The following TBC1D32 variants were observed in gnomAD, a reference collection of about 807,000 sequenced individuals.
The protein encoded by TBC1D32 is protein broad-minded.
TBC1D32 carries 151 observed loss-of-function variants against 170.3 expected under a neutral mutation model. That is an observed-to-expected ratio of 0.89 (90% CI 0.78 to 1.01). The LOEUF (loss-of-function observed/expected upper bound fraction) is 1.01, where lower values mean the gene tolerates loss of function less well. TBC1D32 is among the 50% of genes least tolerant of loss of function. The probability of loss-of-function intolerance (pLI) is 0.00; values close to 1 mark genes in which losing one functional copy is unlikely to be tolerated. For synonymous variants in TBC1D32, 498 were observed against 488.0 expected (o/e 1.02, Z -0.27); for missense variants, 1,464 against 1,457.1 (o/e 1.00, Z -0.08).
chr6:121,285,558 C>G (rs991471067), intron 12 of TBC1D32, among the ~76,000 whole-genome samples: 1 of 152,112 alleles, frequency 6.6e-6, no homozygotes, highest in Admixed American at 6.6e-5. Context: ...CAAATAGGAA[C>G]AGCTCCAGTC....
At chr6:121,198,462 G>A (rs2128296204) in intron 22 of TBC1D32, among the ~76,000 whole-genome samples, 1 of 150,444 alleles carries the variant, frequency 6.6e-6, no homozygotes, top group South Asian at 2.1e-4. Context: ...AGTCAGTAAA[G>A]AGTGACCGGC....
At chr6:121,269,869 A>C (rs561339607) in intron 15 of TBC1D32, among the ~76,000 whole-genome samples, 8 of 152,176 alleles carry the variant, frequency 5.3e-5, no homozygotes, top group East Asian at 3.9e-4. Flanking sequence ...GAAGTAAAGC[A>C]CTCCTCAGGA....
rs1354958415 is a variant in TBC1D32, at chr6:121,264,579, T to A, written c.1734-8294A>T. ...AACTCATTTTATGAGGCCACCATCATCCTGATACCAAAGCCTGGCAGAGAC... is the reference window on the plus strand; with the variant it reads ...AACTCATTTTATGAGGCCACCATCAACCTGATACCAAAGCCTGGCAGAGAC... On this transcript the variant is annotated intron_variant, in intron 15 of 31. Coordinates refer to ENST00000398212, the MANE Select transcript of TBC1D32 (RefSeq NM_152730.6). 2.0e-5 allele frequency among the ~76,000 whole-genome samples: 3 copies of A among 152,104 alleles called. No homozygotes were observed. The East Asian group carries it at 5.8e-4, about 29-fold the overall frequency.
At chr6:121,138,239 A>G (rs1317103542) in intron 24 of TBC1D32, among the ~76,000 whole-genome samples, 1 of 152,148 alleles carries the variant, frequency 6.6e-6, no homozygotes, top group Non-Finnish European at 1.5e-5. Flanking sequence ...AAGGTATGTC[A>G]TCCATATCTT....
chr6:121,181,372 A>C (rs1049168908), intron 22 of TBC1D32, among the ~76,000 whole-genome samples: 2 of 151,928 alleles, frequency 1.3e-5, no homozygotes, highest in African/African-American at 2.4e-5. Flanking sequence ...CTAGTTGTTT[A>C]AAAGTGTGTG....
intron 29 of TBC1D32, among the ~76,000 whole-genome samples, chr6:121,111,243 T>C (rs1779173655): frequency 6.6e-6 from 1 of 152,182 alleles, no homozygotes; most frequent in Non-Finnish European, 1.5e-5. Context: ...AGGCTCAAAG[T>C]ATAAATGCAA....
intron 14 of TBC1D32, among the ~76,000 whole-genome samples, chr6:121,280,905 C>T (rs1802898042): frequency 6.6e-6 from 1 of 151,808 alleles, no homozygotes; most frequent in African/African-American, 2.4e-5. Context: ...TTAAAAATCA[C>T]TGCCCAGAAG....
chr6:121,095,078 T>C (rs895687929), intron 30 of TBC1D32, among the ~76,000 whole-genome samples: 9 of 152,172 alleles, frequency 5.9e-5, no homozygotes, highest in African/African-American at 1.9e-4. Context: ...TGAAATGGGC[T>C]TATAAAGAAA....
At chr6:121,200,899 G>A (rs761345717) in intron 22 of TBC1D32, among the ~76,000 whole-genome samples, 200 of 151,350 alleles carry the variant, frequency 1.3e-3, no homozygotes, top group Non-Finnish European at 2.0e-3. Flanking sequence ...TAACCTCCTC[G>A]GAGCATTAGT....
intron 3 of TBC1D32, among the ~76,000 whole-genome samples, chr6:121,313,320 G>A (rs1292277382): frequency 6.8e-6 from 1 of 146,692 alleles, no homozygotes; most frequent in East Asian, 2.0e-4. Context: ...CTGTCGCCCA[G>A]GTTGGAGTGT....
intron 22 of TBC1D32, among the ~76,000 whole-genome samples, chr6:121,187,006 A>G (rs893225083): frequency 1.3e-5 from 2 of 152,132 alleles, no homozygotes; most frequent in Non-Finnish European, 2.9e-5. Flanking sequence ...ATATTTTGTA[A>G]TAACAATCTT....
chr6:121,160,883 G>T (rs1785539330), intron 23 of TBC1D32, 65 bp downstream of exon 23: 1 of 1,268,260 alleles, frequency 7.9e-7, no homozygotes, highest in Non-Finnish European at 1.2e-6. Context: ...GTGACTTTGA[G>T]TTGGCTATCT....
chr6:121,248,601 A>G (rs1583391420), intron 17 of TBC1D32, among the ~76,000 whole-genome samples: 1 of 152,036 alleles, frequency 6.6e-6, no homozygotes, highest in Non-Finnish European at 1.5e-5. Flanking sequence ...AATAAGCTCA[A>G]TTAGAAATAA....
intron 26 of TBC1D32, among the ~76,000 whole-genome samples, chr6:121,125,523 G>T (rs1268212372): frequency 6.6e-6 from 1 of 152,032 alleles, no homozygotes; most frequent in African/African-American, 2.4e-5. Context: ...AAGCCAGCAG[G>T]TCTCTGCACA....
chr6:121,101,032 A>ACC (rs1256315498), intron 30 of TBC1D32, among the ~76,000 whole-genome samples: 1 of 152,124 alleles, frequency 6.6e-6, no homozygotes, highest in East Asian at 1.9e-4. Context: ...CCAAGACTAA[A>ACC]CCAGGAAGAA....
At chr6:121,302,372 C>A (rs556885010) in intron 9 of TBC1D32, among the ~76,000 whole-genome samples, 12 of 152,106 alleles carry the variant, frequency 7.9e-5, no homozygotes, top group South Asian at 6.2e-4. Flanking sequence ...GCCTTAGATG[C>A]AAAAATTATA....
chr6:121,117,919 C>A (rs972906959), intron 26 of TBC1D32, among the ~76,000 whole-genome samples: 1 of 151,864 alleles, frequency 6.6e-6, no homozygotes, highest in Non-Finnish European at 1.5e-5. Flanking sequence ...AAAGCAGGAA[C>A]TGAAATCTCA....
At chr6:121,104,311 T>C (rs893344163) in intron 30 of TBC1D32, among the ~76,000 whole-genome samples, 5 of 151,670 alleles carry the variant, frequency 3.3e-5, no homozygotes, top group South Asian at 2.1e-4. Flanking sequence ...ATAGAATATA[T>C]TGGTGAAATT....
At chr6:121,179,942 G>C (rs551688228) in intron 22 of TBC1D32, among the ~76,000 whole-genome samples, 1 of 152,168 alleles carries the variant, frequency 6.6e-6, no homozygotes, top group African/African-American at 2.4e-5. Context: ...TGTGCTTCCA[G>C]TGTCCATGCT....
Sources: gnomAD v4.1 joint callset for allele counts (sites outside exome capture counted in the v4.1 genomes callset) on GRCh38, gnomAD v4.1.1 for gene constraint, MANE v1.5 for transcripts, NCBI Gene and HGNC (gene_info 2026-07-23, HGNC 2026-07-21) for gene names.